SYNDIG1: variants seen among roughly 807,000 people sequenced by gnomAD.
SYNDIG1 encodes the protein synapse differentiation-inducing gene protein 1.
Under a neutral mutation model 19.4 loss-of-function variants are expected in SYNDIG1, and 9 were observed. The observed-to-expected ratio is 0.46, with a 90% CI of 0.28 to 0.81. The LOEUF is 0.81. Ranked by LOEUF, SYNDIG1 falls within the 30% of genes least tolerant of loss-of-function variation. The probability of loss-of-function intolerance (pLI) is 0.12; values close to 1 mark genes in which losing one functional copy is unlikely to be tolerated. For synonymous variants in SYNDIG1, 141 were observed against 145.9 expected (o/e 0.97, Z 0.24); for missense variants, 311 against 343.3 (o/e 0.91, Z 0.74).
chr20:24,583,128 T>C (rs1303814237), intron 2 of SYNDIG1, among the ~76,000 whole-genome samples: 1 of 152,158 alleles, frequency 6.6e-6, no homozygotes, highest in African/African-American at 2.4e-5. Context: ...TGATTGGCAG[T>C]TTTACTTGTG....
chr20:24,535,930 A>G (rs1470806246), intron 1 of SYNDIG1, among the ~76,000 whole-genome samples: 1 of 152,178 alleles, frequency 6.6e-6, no homozygotes, highest in African/African-American at 2.4e-5. Flanking sequence ...ATTTTTCCTC[A>G]TTGATGGAGA....
chr20:24,640,448 A>G (rs1456491262), intron 3 of SYNDIG1, among the ~76,000 whole-genome samples: 1 of 141,900 alleles, frequency 7.0e-6, no homozygotes, highest in Non-Finnish European at 1.5e-5. Flanking sequence ...AGGGAAGGAA[A>G]TGAAGGAAGA....
At chr20:24,568,002 G>A (rs971908886) in intron 2 of SYNDIG1, among the ~76,000 whole-genome samples, 2 of 152,182 alleles carry the variant, frequency 1.3e-5, no homozygotes, top group Admixed American at 6.5e-5. Flanking sequence ...GACATGATGG[G>A]TGATGGCAGG....
rs866894724 is a variant in SYNDIG1, at chr20:24,665,556, G to A, written c.*52G>A. Reference sequence around the variant, plus strand: ...CCGGGGCCAGGTCTGTGTGGACGTGGAGGAAGCAGGCATACCGCATGATGC... The same window carrying A: ...CCGGGGCCAGGTCTGTGTGGACGTGAAGGAAGCAGGCATACCGCATGATGC... On this transcript the variant is annotated 3_prime_UTR_variant, in exon 4 of 4. Transcript: ENST00000376862. The A allele has an allele frequency of 6.2e-7, 1 of 1,608,212 alleles. No individual in the cohort carries two copies. The highest frequency in any genetic ancestry group is 1.3e-5 in the African/African-American group (1 of 74,640).
chr20:24,631,205 G>C (rs1430989032), intron 3 of SYNDIG1, among the ~76,000 whole-genome samples: 1 of 152,260 alleles, frequency 6.6e-6, no homozygotes, highest in Non-Finnish European at 1.5e-5. Context: ...GGGGAAATTA[G>C]AGAACAGGCT....
Position 24,527,501 on chromosome 20 carries a change from C to T in SYNDIG1, c.-78-15519C>T, listed in dbSNP as rs557356770. Among the ~76,000 whole-genome samples, 5 of 144,340 alleles carry T rather than the reference C, an allele frequency of 3.5e-5. No individual in the cohort carries two copies. In the South Asian group the frequency reaches 9.1e-4, roughly 26 times the overall value. The allele number at this position is 144,340 out of a possible 152,430, so 94.7% of individuals were successfully genotyped here. ...GATGGTCCAGAGTTGTTCTTTTCTT[C>T]TCTTCTCTTTTCTTTTTTTTTCCTT... On this transcript the variant is annotated intron_variant, in intron 1 of 3. Transcript: ENST00000376862.
chr20:24,494,482 C>T (rs1467781780), intron 1 of SYNDIG1, among the ~76,000 whole-genome samples: 1 of 152,124 alleles, frequency 6.6e-6, no homozygotes. Flanking sequence ...CAGAGAGTGG[C>T]GTAGGCAGTG....
intron 3 of SYNDIG1, among the ~76,000 whole-genome samples, chr20:24,616,030 C>A (rs1339806044): frequency 2.0e-5 from 3 of 152,196 alleles, no homozygotes; most frequent in Admixed American, 6.5e-5. Flanking sequence ...GGAGAAACCA[C>A]AGATGTCTTC....
chr20:24,560,044 T>G (rs2057907151), intron 2 of SYNDIG1, among the ~76,000 whole-genome samples: 1 of 146,388 alleles, frequency 6.8e-6, no homozygotes, highest in South Asian at 2.1e-4. Context: ...TTTTTTTTTT[T>G]TAACATTTCT....
At chr20:24,536,770 ATG>A (rs1326685998) in intron 1 of SYNDIG1, among the ~76,000 whole-genome samples, 1 of 152,170 alleles carries the variant, frequency 6.6e-6, no homozygotes, top group Non-Finnish European at 1.5e-5. Flanking sequence ...GAGCTGCTGA[ATG>A]TGGAATCCTC....
intron 2 of SYNDIG1, among the ~76,000 whole-genome samples, chr20:24,559,553 A>G (rs2057895110): frequency 6.6e-6 from 1 of 152,182 alleles, no homozygotes; most frequent in African/African-American, 2.4e-5. Flanking sequence ...CCTCACTCAT[A>G]TTTACTGTTC....
At chr20:24,474,719 A>T (rs1398129169) in intron 1 of SYNDIG1, among the ~76,000 whole-genome samples, 1 of 152,258 alleles carries the variant, frequency 6.6e-6, no homozygotes, top group East Asian at 1.9e-4. Context: ...GCGTCTTTCA[A>T]GAACGGCTCA....
intron 3 of SYNDIG1, among the ~76,000 whole-genome samples, chr20:24,586,809 G>C (rs116502685): frequency 6.6e-6 from 1 of 152,206 alleles, no homozygotes; most frequent in Non-Finnish European, 1.5e-5. Context: ...GGCTGCCTAC[G>C]TGGCCAAAGG....
rs1002388273 is a variant in SYNDIG1, at chr20:24,628,981, T to C, written c.619-36365T>C. On this transcript the variant is annotated intron_variant, in intron 3 of 3. Coordinates refer to ENST00000376862, the MANE Select transcript of SYNDIG1 (RefSeq NM_024893.3). ...CTGAAAGGCAGGAAGATGATGATTT[T>C]GAGGGCATAGTGATCCTCATGAGAA... Among the ~76,000 whole-genome samples the C allele has an allele frequency of 8.5e-5, 13 of 152,360 alleles. No homozygotes were observed. In the East Asian group the frequency reaches 2.5e-3, roughly 29 times the overall value.
chr20:24,543,195 C>T lies in SYNDIG1; in HGVS notation c.98C>T (p.Ala33Val), dbSNP rs2146722181. 6.2e-7 allele frequency: 1 copy of T among 1,614,046 alleles called. No homozygotes were observed. Among genetic ancestry groups the T allele is most frequent in the South Asian group, 1.1e-5 (1 of 91,072 alleles). Reference protein sequence around the residue: ...NGLINTRNLMAESRDGLVSVY... With the variant: ...NGLINTRNLMVESRDGLVSVY... ...TTAATTAACACCAGAAACTTGATGG[C>T]CGAGAGCAGAGATGGTCTGGTGTCT... The change falls in exon 2 of 4, where the codon GCC becomes GTC. Residue 33 changes from alanine to valine, a missense_variant. Transcript: ENST00000376862.
At position 24,634,623 on chromosome 20, in the gene SYNDIG1, T is replaced by G. The variant is rs559280543; in HGVS notation, c.619-30723T>G. 2.0e-5 allele frequency among the ~76,000 whole-genome samples: 3 copies of G among 152,376 alleles called. No individual in the cohort carries two copies. In the South Asian group the frequency reaches 6.2e-4, roughly 32 times the overall value. ...TCATTGGTTACTATAAAGCTGAACA[T>G]CTTTATGTGTGTTATTTTTTTTCCT... On this transcript the variant is annotated intron_variant, in intron 3 of 3. Coordinates refer to ENST00000376862, the MANE Select transcript of SYNDIG1 (RefSeq NM_024893.3).
At chr20:24,626,934 G>C (rs1019373596) in intron 3 of SYNDIG1, among the ~76,000 whole-genome samples, 1 of 152,226 alleles carries the variant, frequency 6.6e-6, no homozygotes, top group African/African-American at 2.4e-5. Context: ...AAACCAGTCA[G>C]GCGTGGCGGC....
chr20:24,475,551 C>G (rs6106889), intron 1 of SYNDIG1, among the ~76,000 whole-genome samples: 20,282 of 152,134 alleles, frequency 0.13, 3,628 homozygotes, highest in African/African-American at 0.41. Context: ...TGGTTTCTGA[C>G]ATGCTGTCTA....
At chr20:24,515,968 A>C (rs1241066228) in intron 1 of SYNDIG1, among the ~76,000 whole-genome samples, 1 of 152,168 alleles carries the variant, frequency 6.6e-6, no homozygotes, top group Admixed American at 6.5e-5. Context: ...CCAAAACAGC[A>C]TGGTACTGGT....
Sources: allele counts gnomAD v4.1 joint callset (sites outside exome capture counted in the v4.1 genomes callset), GRCh38; gene constraint gnomAD v4.1.1; transcripts MANE v1.5; gene names NCBI Gene and HGNC (gene_info 2026-07-23, HGNC 2026-07-21).